DACH2: variants seen among roughly 807,000 people sequenced by gnomAD.
The protein encoded by DACH2 is dachshund homolog 2.
A neutral mutation model predicts 35.8 loss-of-function variants in DACH2; 17 were observed. The ratio of observed to expected loss-of-function variants is 0.48; its 90% confidence interval spans 0.33 to 0.71. The LOEUF is 0.71. DACH2 is among the 30% of genes least tolerant of loss of function. DACH2 has a pLI of 0.02. For synonymous variants in DACH2, 195 were observed against 177.3 expected, an observed-to-expected ratio of 1.10 and a Z score of -0.79; for missense variants, 469 against 472.7, an observed-to-expected ratio of 0.99 and a Z score of 0.07.
At chrX:86,317,450 G>T (rs2034934456) in intron 1 of DACH2, among the ~76,000 whole-genome samples, 2 of 111,989 alleles carry the variant, frequency 1.8e-5, no homozygotes, top group Admixed American at 1.9e-4. Flanking sequence ...TTTGTGGTTG[G>T]CTCACAGGAA....
chrX:86,263,622 C>T (rs1342386607), intron 1 of DACH2, among the ~76,000 whole-genome samples: 1 of 111,622 alleles, frequency 9.0e-6, no homozygotes, highest in Non-Finnish European at 1.9e-5. Flanking sequence ...TGTGACAGTT[C>T]AAGCTGCTTT....
intron 3 of DACH2, among the ~76,000 whole-genome samples, chrX:86,635,414 G>T (rs915366627): frequency 9.2e-6 from 1 of 108,923 alleles, no homozygotes; most frequent in Admixed American, 9.9e-5. Context: ...CAAACCCACA[G>T]CCAACATCAT....
At chrX:86,333,703 A>G (rs1333912656) in intron 1 of DACH2, among the ~76,000 whole-genome samples, 1 of 112,081 alleles carries the variant, frequency 8.9e-6, no homozygotes, top group African/African-American at 3.2e-5. Flanking sequence ...TAATTTGGTC[A>G]AAATGTTTGA....
intron 1 of DACH2, among the ~76,000 whole-genome samples, chrX:86,349,259 G>C (rs199644612): frequency 9.0e-6 from 1 of 111,603 alleles, no homozygotes; most frequent in Non-Finnish European, 1.9e-5. Flanking sequence ...GGCTCTCACC[G>C]ACCACCTGGG....
At chrX:86,510,070 A>T (rs2038375898) in intron 2 of DACH2, among the ~76,000 whole-genome samples, 1 of 111,922 alleles carries the variant, frequency 8.9e-6, no homozygotes, top group Non-Finnish European at 1.9e-5. Flanking sequence ...CATTGAAGGG[A>T]TGACATAAAC....
At chrX:86,344,317 GAAGTGC>G (rs2035461727) in intron 1 of DACH2, among the ~76,000 whole-genome samples, 1 of 70,488 alleles carries the variant, frequency 1.4e-5, no homozygotes, top group African/African-American at 4.9e-5. Context: ...AAGGTACTTG[GAAGTGC>G]ATATATATAT....
chrX:86,556,826 AG>A lies in DACH2; in HGVS notation c.640+42436del, dbSNP rs60675095. Among the ~76,000 whole-genome samples, 225 of 86,262 alleles carry A rather than the reference AG, an allele frequency of 2.6e-3. 10 individuals are homozygous for A. Among genetic ancestry groups the A allele is most frequent in the Middle Eastern group, 6.8e-3 (1 of 147 alleles). The allele number at this position is 86,262 out of a possible 115,157, so 74.9% of individuals were successfully genotyped here. A position where few individuals can be genotyped will look rare whatever the true frequency, so the allele number is the denominator to read the frequency against. On this transcript the variant is annotated intron_variant, in intron 3 of 11. Transcript: ENST00000373125. The stretch of plus-strand genomic sequence containing the variant: ...GAGAGAGAGAGAGAGAGAGAGAGAG[AG>A]AGAAGAAGAAATGTACTACGGGAAT...
At chrX:86,267,811 C>A (rs1358414414) in intron 1 of DACH2, among the ~76,000 whole-genome samples, 1 of 112,161 alleles carries the variant, frequency 8.9e-6, no homozygotes, top group African/African-American at 3.2e-5. Flanking sequence ...TGTCCCCCCA[C>A]CCCATTTGCT....
At chrX:86,384,338 G>A (rs2036091668) in intron 2 of DACH2, among the ~76,000 whole-genome samples, 1 of 111,406 alleles carries the variant, frequency 9.0e-6, no homozygotes, top group Admixed American at 9.6e-5. Flanking sequence ...TTCTAAAATG[G>A]AGTTGATTCT....
At chrX:86,467,622 A>G (rs192101026) in intron 2 of DACH2, among the ~76,000 whole-genome samples, 6 of 111,288 alleles carry the variant, frequency 5.4e-5, no homozygotes, top group Admixed American at 1.9e-4. Context: ...GTGGCCTTAT[A>G]GCAGCACCCC....
intron 5 of DACH2, among the ~76,000 whole-genome samples, chrX:86,713,653 G>C (rs185689858): frequency 9.0e-6 from 1 of 111,455 alleles, no homozygotes; most frequent in Non-Finnish European, 1.9e-5. Context: ...GCTACGGTTT[G>C]CTCACAGTCA....
intron 3 of DACH2, among the ~76,000 whole-genome samples, chrX:86,522,427 G>A (rs1199956031): frequency 9.0e-6 from 1 of 111,250 alleles, no homozygotes; most frequent in African/African-American, 3.3e-5. Flanking sequence ...AATATTGTCA[G>A]ATATTCATTT....
At chrX:86,807,301 T>C (rs1049104605) in intron 7 of DACH2, among the ~76,000 whole-genome samples, 6 of 112,333 alleles carry the variant, frequency 5.3e-5, no homozygotes, top group African/African-American at 1.6e-4. Context: ...TTATATTGCA[T>C]TTACTTTGGA....
intron 6 of DACH2, among the ~76,000 whole-genome samples, chrX:86,724,340 T>C (rs1000356132): frequency 8.9e-6 from 1 of 112,247 alleles, no homozygotes; most frequent in African/African-American, 3.2e-5. Context: ...TGAACTTTTG[T>C]TTCCATGTTT....
chrX:86,398,446 T>A (rs1295592920), intron 2 of DACH2, among the ~76,000 whole-genome samples: 1 of 112,260 alleles, frequency 8.9e-6, no homozygotes, highest in African/African-American at 3.2e-5. Flanking sequence ...TGAATGTGTT[T>A]GCTCTTGCTT....
intron 1 of DACH2, among the ~76,000 whole-genome samples, chrX:86,191,733 G>A (rs1374031645): frequency 9.0e-6 from 1 of 111,165 alleles, no homozygotes; most frequent in Admixed American, 9.6e-5. Flanking sequence ...TTGAGGTCAG[G>A]AGTTTGAGAC....
intron 3 of DACH2, among the ~76,000 whole-genome samples, chrX:86,596,019 G>A (rs905958765): frequency 1.4e-4 from 15 of 110,663 alleles, no homozygotes; most frequent in African/African-American, 4.9e-4. Context: ...ACAATATATG[G>A]CCTTCTGTAC....
chrX:86,805,383 C>T (rs2042334032), intron 7 of DACH2, among the ~76,000 whole-genome samples: 1 of 112,492 alleles, frequency 8.9e-6, no homozygotes, highest in African/African-American at 3.2e-5. Flanking sequence ...TGGGCCTGGC[C>T]CACGAAATCA....
chrX:86,341,811 C>T (rs1234838906), intron 1 of DACH2, among the ~76,000 whole-genome samples: 3 of 111,887 alleles, frequency 2.7e-5, no homozygotes, highest in Admixed American at 9.5e-5. Context: ...GTATTCAAGA[C>T]GTCAGTGGAG....
Sources: allele counts gnomAD v4.1 joint callset (sites outside exome capture counted in the v4.1 genomes callset), GRCh38; gene constraint gnomAD v4.1.1; transcripts MANE v1.5; gene names NCBI Gene and HGNC (gene_info 2026-07-23, HGNC 2026-07-21).